Variants in KIF21A observed in about 807,000 individuals in gnomAD.
KIF21A encodes the protein kinesin-like protein KIF21A.
Under a neutral mutation model 202.9 loss-of-function variants are expected in KIF21A, and 114 were observed. The ratio of observed to expected loss-of-function variants is 0.56; its 90% CI spans 0.48 to 0.66. The LOEUF (loss-of-function observed/expected upper bound fraction) is 0.66. Ranked by LOEUF, KIF21A falls within the 30% of genes least tolerant of loss-of-function variation. The probability of loss-of-function intolerance (pLI) is 0.00; values close to 1 mark genes in which losing one functional copy is unlikely to be tolerated. For synonymous variants in KIF21A, 667 were observed against 670.8 expected (o/e 0.99, Z 0.09); for missense variants, 1,677 against 1,994.9 (o/e 0.84, Z 3.04).
intron 1 of KIF21A, among the ~76,000 whole-genome samples, chr12:39,389,622 G>A (rs528716514): frequency 6.6e-5 from 10 of 152,250 alleles, no homozygotes; most frequent in Middle Eastern, 3.4e-3. Context: ...CACATTTACC[G>A]TAATCAGATA....
At chr12:39,405,687 G>A (rs969217426) in intron 1 of KIF21A, among the ~76,000 whole-genome samples, 34 of 152,008 alleles carry the variant, frequency 2.2e-4, no homozygotes, top group African/African-American at 7.0e-4. Flanking sequence ...TTTAAAAAGC[G>A]TATATAAAGT....
chr12:39,303,025 A>G lies in KIF21A; in HGVS notation c.4671T>C (p.Phe1557=), dbSNP rs770170096. ...EALTIQGDNL[F]SGSRDNGIKK... is the part of the protein sequence containing the mutation. The stretch of plus-strand genomic sequence containing the variant: ...TGATTCCATTATCTCTAGACCCACT[A>G]AATAGGTTATCCCCTTGAATGGTTA... Residue 1557 remains phenylalanine (F), a synonymous_variant, in exon 36 of 38, where the codon TTT becomes TTC. Coordinates refer to ENST00000361418, the MANE Select transcript of KIF21A (RefSeq NM_001173464.2). The G allele has an allele frequency of 2.5e-6, 4 of 1,613,908 alleles. No homozygotes were observed. In the African/African-American group the frequency reaches 5.3e-5, roughly 22 times the overall value.
rs1945906585 is a variant in KIF21A at position 39,326,332 on chromosome 12, A to G, written c.3341-8T>C. 6.3e-7 allele frequency: 1 copy of G among 1,589,748 alleles called. No homozygotes were observed. Among genetic ancestry groups the G allele is most frequent in the Admixed American group, 1.7e-5 (1 of 59,928 alleles). On this transcript the variant is annotated splice_polypyrimidine_tract_variant and splice_region_variant and intron_variant, in intron 24 of 37. Coordinates refer to ENST00000361418, the MANE Select transcript of KIF21A (RefSeq NM_001173464.2). ...TACTATCCTCTACATTTTCTACAAA[A>G]AAATGTTTAAAATGTAAGCATTATC... is the stretch of plus-strand genomic sequence containing the variant.
At chr12:39,348,793 A>C (rs1388008104) in intron 11 of KIF21A, among the ~76,000 whole-genome samples, 1 of 151,812 alleles carries the variant, frequency 6.6e-6, no homozygotes, top group Non-Finnish European at 1.5e-5. Flanking sequence ...AAAAAAAAAA[A>C]CCAAACAAAC....
intron 20 of KIF21A, 64 bp from the exon 21 acceptor site, chr12:39,332,472 A>AT: frequency 5.2e-6 from 7 of 1,338,092 alleles, no homozygotes; most frequent in Non-Finnish European, 6.4e-6. Flanking sequence ...AGTACCATCA[A>AT]ACCCCCCCAC....
intron 1 of KIF21A, among the ~76,000 whole-genome samples, chr12:39,385,725 A>C (rs1418133535): frequency 6.6e-6 from 1 of 152,160 alleles, no homozygotes; most frequent in East Asian, 1.9e-4. Flanking sequence ...AGACTATGCT[A>C]TTTTGAGTCT....
intron 8 of KIF21A, 100 bp downstream of exon 8, chr12:39,358,078 C>G: frequency 7.7e-6 from 8 of 1,040,588 alleles, no homozygotes; most frequent in Non-Finnish European, 1.1e-5. Flanking sequence ...TTATGACAAC[C>G]AAGAGATTCC....
chr12:39,367,278 G>T, intron 4 of KIF21A, 114 bp from the exon 5 acceptor site: 1 of 1,099,622 alleles, frequency 9.1e-7, no homozygotes, highest in Admixed American at 1.9e-5. Flanking sequence ...AAAAGATGTG[G>T]AATTTCACAT....
chr12:39,358,096 C>G, intron 8 of KIF21A, 82 bp downstream of exon 8: 1 of 1,159,474 alleles, frequency 8.6e-7, no homozygotes. Flanking sequence ...TCCAGAAACA[C>G]GTATGTGTAA....
chr12:39,394,472 T>G (rs1438925143), intron 1 of KIF21A, among the ~76,000 whole-genome samples: 1 of 152,198 alleles, frequency 6.6e-6, no homozygotes, highest in Non-Finnish European at 1.5e-5. Context: ...AACACTGACA[T>G]AGCACATGCT....
At chr12:39,382,948 A>G (rs562109540) in intron 1 of KIF21A, among the ~76,000 whole-genome samples, 5 of 152,336 alleles carry the variant, frequency 3.3e-5, no homozygotes, top group South Asian at 4.1e-4. Flanking sequence ...TACTGCATGA[A>G]GTATCAGAAA....
rs1360137103 is a variant in KIF21A at position 39,391,077 on chromosome 12, T to C, written c.45-20816A>G. The stretch of plus-strand genomic sequence containing the variant: ...TGTAATTATTATACTGAAGTCAGGA[T>C]AGAAGGAGCCATAGCTAGAGTCTCA... On this transcript the variant is annotated intron_variant, in intron 1 of 37. Transcript: ENST00000361418. Among the ~76,000 whole-genome samples the C allele has an allele frequency of 2.0e-5, 3 of 152,182 alleles. No individual in the cohort carries two copies. The East Asian group carries it at 5.8e-4, about 29-fold the overall frequency.
At position 39,303,143 on chromosome 12, in the gene KIF21A, G is replaced by T; in HGVS notation, c.4561-8C>A. 6.2e-7 allele frequency: 1 copy of T among 1,613,570 alleles called. No homozygotes were observed. Among genetic ancestry groups the T allele is most frequent in the Non-Finnish European group, 8.5e-7 (1 of 1,179,690 alleles). On this transcript the variant is annotated splice_region_variant and splice_polypyrimidine_tract_variant and intron_variant, in intron 35 of 37. Transcript: ENST00000361418. ...TTCTGTAACATCAAACATCTAAAAA[G>T]GTAGAAACAAAGCAGTTATCCTATT...
chr12:39,341,410 C>G lies in KIF21A; in HGVS notation c.1921+95G>C. On this transcript the variant is annotated intron_variant, in intron 14 of 37. Transcript: ENST00000361418. ...GGTCAGTGGTCACAGAAGTTTCTTT[C>G]ATCAAGTATGAAATAGAGAATGTTA... 3.2e-6 allele frequency: 4 copies of G among 1,247,130 alleles called. No individual in the cohort carries two copies. The South Asian group carries it at 5.2e-5, about 16-fold the overall frequency. The allele number at this position is 1,247,130 out of a possible 1,614,324, so 77.3% of individuals were successfully genotyped here. A position where few individuals can be genotyped will look rare whatever the true frequency, so the allele number is the denominator to read the frequency against.
intron 31 of KIF21A, chr12:39,312,044 GA>G (rs1321903232): frequency 6.5e-6 from 1 of 154,342 alleles, no homozygotes; most frequent in Non-Finnish European, 1.4e-5. Context: ...TGAATGAAAA[GA>G]AATTCTAAAG....
At chr12:39,432,481 TAA>T (rs1938074667) in intron 1 of KIF21A, among the ~76,000 whole-genome samples, 1 of 152,152 alleles carries the variant, frequency 6.6e-6, no homozygotes, top group Admixed American at 6.5e-5. Context: ...TACTAAACAA[TAA>T]AGTCATGTCA....
intron 1 of KIF21A, among the ~76,000 whole-genome samples, chr12:39,408,890 G>A (rs1952836966): frequency 6.6e-6 from 1 of 151,902 alleles, no homozygotes; most frequent in Non-Finnish European, 1.5e-5. Flanking sequence ...CATGATCATG[G>A]CTCACTGCAG....
rs1949705133 is a variant in KIF21A, at chr12:39,367,880, T to C, written c.600+3A>G. ...TCTGTTTTAACTATAATATAAATAT[T>C]ACCTCTGATTCTGTATTCACAGTAC... On this transcript the variant is annotated splice_donor_region_variant and intron_variant, in intron 4 of 37. Transcript: ENST00000361418. 4.4e-6 allele frequency: 7 copies of C among 1,605,138 alleles called. No individual in the cohort carries two copies. Among genetic ancestry groups the C allele is most frequent in the South Asian group, 1.1e-5 (1 of 90,706 alleles).
chr12:39,414,423 G>A (rs1953368714), intron 1 of KIF21A, among the ~76,000 whole-genome samples: 1 of 152,118 alleles, frequency 6.6e-6, no homozygotes, highest in Non-Finnish European at 1.5e-5. Context: ...CAAACATAGT[G>A]TGAAAATCAT....
Sources: allele counts gnomAD v4.1 joint callset (sites outside exome capture counted in the v4.1 genomes callset), GRCh38; gene constraint gnomAD v4.1.1; transcripts MANE v1.5; gene names NCBI Gene and HGNC (gene_info 2026-07-23, HGNC 2026-07-21).